Variants in PRICKLE2 observed in about 807,000 individuals in gnomAD.
PRICKLE2 encodes the protein prickle-like protein 2.
In PRICKLE2, 21 loss-of-function variants were observed where a neutral mutation model predicts 81.4. That is an observed-to-expected ratio of 0.26 (90% CI 0.18 to 0.37). The LOEUF (loss-of-function observed/expected upper bound fraction) is 0.37, where lower values mean the gene tolerates loss of function less well. Ranked by LOEUF, PRICKLE2 falls within the 10% of genes least tolerant of loss-of-function variation. PRICKLE2 has a pLI of 1.00. For missense variants in PRICKLE2, 940 were observed against 1,109.0 expected (o/e 0.85, Z 2.16); for synonymous variants, 456 against 421.5 (o/e 1.08, Z -1.00).
At chr3:64,252,501 A>T (rs2079462401) in intron 2 of PRICKLE2, among the ~76,000 whole-genome samples, 1 of 152,210 alleles carries the variant, frequency 6.6e-6, no homozygotes. Flanking sequence ...TCATCCCAAC[A>T]TCGATTCTTT....
At chr3:64,150,288 G>A (rs1347329007) in intron 6 of PRICKLE2, among the ~76,000 whole-genome samples, 1 of 152,034 alleles carries the variant, frequency 6.6e-6, no homozygotes, top group Non-Finnish European at 1.5e-5. Flanking sequence ...CTGCATTCCA[G>A]CTGTGTGACC....
At chr3:64,142,421 G>A (rs962505462) in intron 7 of PRICKLE2, among the ~76,000 whole-genome samples, 2 of 148,542 alleles carry the variant, frequency 1.3e-5, no homozygotes, top group African/African-American at 2.5e-5. Context: ...AGTGATTCTT[G>A]TGCCTCAGCC....
chr3:64,198,762 A>T, intron 2 of PRICKLE2, 22 bp downstream of exon 2: 1 of 1,613,420 alleles, frequency 6.2e-7, no homozygotes, highest in Non-Finnish European at 8.5e-7. Flanking sequence ...AACCACCAGC[A>T]TGCTCCCATC....
At chr3:64,108,019 T>C in intron 7 of PRICKLE2, among the ~76,000 whole-genome samples, 1 of 152,218 alleles carries the variant, frequency 6.6e-6, no homozygotes, top group East Asian at 1.9e-4. Flanking sequence ...GTTTGCAAAC[T>C]ACAGTGGCAA....
At chr3:64,156,073 G>A (rs1053150308) in intron 5 of PRICKLE2, among the ~76,000 whole-genome samples, 1 of 152,098 alleles carries the variant, frequency 6.6e-6, no homozygotes, top group African/African-American at 2.4e-5. Flanking sequence ...TATTCTAATT[G>A]CCATTAGACA....
chr3:64,147,440 G>A lies in PRICKLE2; in HGVS notation c.1050C>T (p.Pro350=). 1 of 1,614,228 alleles carries A rather than the reference G, an allele frequency of 6.2e-7. No homozygotes were observed. The highest frequency in any genetic ancestry group is 8.5e-7 in the Non-Finnish European group (1 of 1,180,048). Residue 350 remains proline (P), a synonymous_variant, in exon 7 of 8, where the codon CCC becomes CCT. Coordinates refer to ENST00000638394, the MANE Select transcript of PRICKLE2 (RefSeq NM_198859.4). The surrounding 1 kb of genome is among the most constrained non-coding windows in gnomAD (Gnocchi z 5.0). ...GCAGCTGGCTGTGCTGGTTCAGCAT[G>A]GGCTCCTCCGTCTTGCCCTTGTTCT... ...IGKNKGKTEE[P]MLNQHSQLQV...
intron 7 of PRICKLE2, chr3:64,100,310 G>A (rs1483560609): frequency 1.0e-5 from 2 of 197,026 alleles, no homozygotes; most frequent in Admixed American, 5.3e-5. Context: ...CTGTAGGACA[G>A]ATATTTTGGA....
chr3:64,142,406 G>A (rs2077377813), intron 7 of PRICKLE2, among the ~76,000 whole-genome samples: 1 of 151,448 alleles, frequency 6.6e-6, no homozygotes, highest in Admixed American at 6.6e-5. Flanking sequence ...CGCCTCCTGG[G>A]TTCAAGTGAT....
At chr3:64,205,101 T>TAAAAAA (rs3056514) in intron 1 of PRICKLE2, among the ~76,000 whole-genome samples, 3 of 142,794 alleles carry the variant, frequency 2.1e-5, no homozygotes, top group South Asian at 2.2e-4. Context: ...AGGATTTCGT[T>TAAAAAA]AAAAAAAAAA....
rs572453686 is a variant in PRICKLE2 at position 64,095,601 on chromosome 3, G to A, written c.*3450C>T. 6.6e-6 allele frequency: 1 copy of A among 152,322 alleles called. No homozygotes were observed. The highest frequency in any genetic ancestry group is 2.4e-5 in the African/African-American group (1 of 41,560). The allele number at this position is 152,322 out of a possible 1,614,324, so 9.4% of individuals were successfully genotyped here. On this transcript the variant is annotated 3_prime_UTR_variant, in exon 8 of 8. Transcript: ENST00000638394. ...CAGGCCTCACCTGAATTGAACAATAGCTAGTAGTACCCAAGAAGCAGAAAG... is the reference window on the plus strand; with the variant it reads ...CAGGCCTCACCTGAATTGAACAATAACTAGTAGTACCCAAGAAGCAGAAAG...
rs192720533 is a variant in PRICKLE2 at position 64,222,199 on chromosome 3, C to G, written c.-41+2711G>C. 3.4e-3 allele frequency among the ~76,000 whole-genome samples: 519 copies of G among 152,254 alleles called. 2 individuals carry two copies. The highest frequency in any genetic ancestry group is 0.012 in the African/African-American group (495 of 41,546). On this transcript the variant is annotated intron_variant, in intron 1 of 7. Transcript: ENST00000638394. ...ATATTCATATGAGGAAGCCAAAGTT[C>G]AGAGAGGTCAGGCAACTCTCCTGAG...
chr3:64,150,688 AG>A (rs1404297125), intron 6 of PRICKLE2, among the ~76,000 whole-genome samples: 5 of 152,180 alleles, frequency 3.3e-5, no homozygotes, highest in African/African-American at 1.2e-4. Context: ...AGAGGTACAC[AG>A]GAAGTCCAGT....
intron 7 of PRICKLE2, among the ~76,000 whole-genome samples, chr3:64,127,499 T>C (rs192612368): frequency 4.3e-4 from 65 of 152,234 alleles, no homozygotes; most frequent in African/African-American, 1.5e-3. Context: ...ATGAACCCCC[T>C]AAGAGCAGGT....
At chr3:64,209,433 C>T (rs1430255831) in intron 1 of PRICKLE2, among the ~76,000 whole-genome samples, 1 of 152,194 alleles carries the variant, frequency 6.6e-6, no homozygotes, top group Non-Finnish European at 1.5e-5. Flanking sequence ...TCCATAAATA[C>T]ATCCATATCT....
chr3:64,160,159 G>A (rs998243806), intron 3 of PRICKLE2, 82 bp from the exon 4 acceptor site: 58 of 1,450,370 alleles, frequency 4.0e-5, no homozygotes, highest in Admixed American at 1.0e-4. Context: ...GAGTTTTCTC[G>A]TTAAATACAC....
At chr3:64,267,026 G>A (rs985551432) in intron 2 of PRICKLE2, among the ~76,000 whole-genome samples, 1 of 151,850 alleles carries the variant, frequency 6.6e-6, no homozygotes, top group Admixed American at 6.6e-5. Context: ...ATGGGTGGGG[G>A]GAGCTGAAAC....
At chr3:64,105,263 T>C (rs1238838073) in intron 7 of PRICKLE2, among the ~76,000 whole-genome samples, 2 of 152,192 alleles carry the variant, frequency 1.3e-5, no homozygotes, top group African/African-American at 4.8e-5. Context: ...CCACTCACTA[T>C]TGCACTTGAC....
chr3:64,111,536 C>T (rs142676202), intron 7 of PRICKLE2, among the ~76,000 whole-genome samples: 2 of 152,298 alleles, frequency 1.3e-5, no homozygotes, highest in African/African-American at 4.8e-5. Context: ...CAGTGACACT[C>T]CCCAGCTTCT....
intron 2 of PRICKLE2, among the ~76,000 whole-genome samples, chr3:64,251,725 G>C (rs1433525996): frequency 6.6e-6 from 1 of 152,188 alleles, no homozygotes; most frequent in Admixed American, 6.5e-5. Flanking sequence ...CAAGTCTCAA[G>C]TGTTCCATTT....
Sources: allele counts gnomAD v4.1 joint callset (sites outside exome capture counted in the v4.1 genomes callset), GRCh38; gene constraint gnomAD v4.1.1; non-coding constraint Gnocchi (gnomAD v3.1); transcripts MANE v1.5; gene names NCBI Gene and HGNC (gene_info 2026-07-23, HGNC 2026-07-21).